ATP2B1: variants seen among roughly 807,000 people sequenced by gnomAD.
ATP2B1 encodes the protein ATPase plasma membrane Ca2+ transporting 1.
Under a neutral mutation model 124.2 loss-of-function variants are expected in ATP2B1, and 14 were observed. The ratio of observed to expected loss-of-function variants is 0.11; its 90% CI spans 0.07 to 0.18. The LOEUF is 0.18. ATP2B1 is among the 10% of genes least tolerant of loss of function. The pLI is 1.00. For missense variants in ATP2B1, 763 were observed against 1,466.1 expected (o/e 0.52, Z 7.83); for synonymous variants, 449 against 492.4 (o/e 0.91, Z 1.17).
intron 1 of ATP2B1, among the ~76,000 whole-genome samples, chr12:89,657,648 GA>G (rs1565881448): frequency 6.6e-6 from 1 of 152,224 alleles, no homozygotes; most frequent in Admixed American, 6.5e-5. Context: ...ATCACCCAGA[GA>G]ATCAGTTAGA....
intron 13 of ATP2B1, among the ~76,000 whole-genome samples, 155 bp downstream of exon 13, chr12:89,611,038 C>T (rs1025282845): frequency 1.3e-5 from 2 of 152,102 alleles, no homozygotes; most frequent in Non-Finnish European, 2.9e-5. Flanking sequence ...TCTTTTATCC[C>T]TTAGAACACT....
chr12:89,598,857 T>C (rs1875220617), intron 20 of ATP2B1: 1 of 1,312,556 alleles, frequency 7.6e-7, no homozygotes, highest in South Asian at 1.4e-5. Context: ...TTACACAGCA[T>C]ATAGGCAAGA....
chr12:89,672,473 A>T (rs1888113878), intron 1 of ATP2B1, among the ~76,000 whole-genome samples: 1 of 152,212 alleles, frequency 6.6e-6, no homozygotes, highest in South Asian at 2.1e-4. Flanking sequence ...AAACAATTTT[A>T]AAAAGGAAGA....
chr12:89,646,030 G>C (rs1884398858), intron 2 of ATP2B1, among the ~76,000 whole-genome samples: 1 of 152,118 alleles, frequency 6.6e-6, no homozygotes, highest in Admixed American at 6.5e-5. Flanking sequence ...TTTGGAAGGA[G>C]ATCAGACAAC....
chr12:89,695,845 A>G (rs190717329), intron 1 of ATP2B1, among the ~76,000 whole-genome samples: 64 of 152,344 alleles, frequency 4.2e-4, no homozygotes, highest in Admixed American at 3.0e-3. Flanking sequence ...TAACATAGTT[A>G]TAAGAAAATA....
chr12:89,664,955 G>T (rs1187534865), intron 1 of ATP2B1, among the ~76,000 whole-genome samples: 1 of 151,224 alleles, frequency 6.6e-6, no homozygotes, highest in Non-Finnish European at 1.5e-5. Context: ...CGATTCTCAT[G>T]CCTCAGCTGG....
chr12:89,646,091 G>GT (rs1555202239), intron 2 of ATP2B1, among the ~76,000 whole-genome samples: 64 of 149,998 alleles, frequency 4.3e-4, no homozygotes, highest in South Asian at 2.8e-3. Context: ...TTTTGTTTTT[G>GT]TTTTTTTTTG....
intron 12 of ATP2B1, among the ~76,000 whole-genome samples, chr12:89,614,163 T>C (rs564142836): frequency 2.0e-5 from 3 of 152,244 alleles, no homozygotes; most frequent in African/African-American, 7.2e-5. Context: ...CGTAAGTCAA[T>C]GTATAGAACT....
intron 1 of ATP2B1, among the ~76,000 whole-genome samples, chr12:89,675,944 A>C (rs1888552870): frequency 6.6e-6 from 1 of 152,176 alleles, no homozygotes; most frequent in Admixed American, 6.5e-5. Context: ...ATATTTAACA[A>C]ATCAATTTAG....
intron 3 of ATP2B1, chr12:89,641,954 C>G: frequency 1.8e-6 from 1 of 566,962 alleles, no homozygotes; most frequent in South Asian, 2.1e-5. Context: ...AACCTCTGTG[C>G]CTCATTGTAA....
chr12:89,697,442 T>C (rs949369543), intron 1 of ATP2B1, among the ~76,000 whole-genome samples: 11 of 152,188 alleles, frequency 7.2e-5, no homozygotes, highest in Admixed American at 2.0e-4. Context: ...TGTTCCTTCA[T>C]GTCCACATTG....
At chr12:89,689,265 A>G (rs1399641969) in intron 1 of ATP2B1, among the ~76,000 whole-genome samples, 4 of 152,130 alleles carry the variant, frequency 2.6e-5, no homozygotes, top group African/African-American at 9.7e-5. Context: ...TGTATGTCCT[A>G]TACAATACTT....
intron 2 of ATP2B1, among the ~76,000 whole-genome samples, chr12:89,653,463 A>AT (rs1447149849): frequency 6.7e-6 from 1 of 148,184 alleles, no homozygotes; most frequent in Non-Finnish European, 1.5e-5. Flanking sequence ...CGCCCGGCTA[A>AT]TTTTTTTGTA....
chr12:89,706,240 T>C (rs1237743441), intron 1 of ATP2B1, among the ~76,000 whole-genome samples: 1 of 152,194 alleles, frequency 6.6e-6, no homozygotes, highest in African/African-American at 2.4e-5. Context: ...CTGCTCGAAG[T>C]GTTCATCTAT....
chr12:89,641,900 G>A (rs1883579493), intron 3 of ATP2B1: 1 of 401,464 alleles, frequency 2.5e-6, no homozygotes, highest in South Asian at 3.6e-5. Context: ...ACATGGCATA[G>A]GTCTGTGCCA....
At chr12:89,673,709 G>A (rs183037774) in intron 1 of ATP2B1, among the ~76,000 whole-genome samples, 2 of 152,278 alleles carry the variant, frequency 1.3e-5, no homozygotes, top group African/African-American at 4.8e-5. Context: ...AATTTGAAGT[G>A]TATGGATTTT....
chr12:89,675,146 T>C (rs981942686), intron 1 of ATP2B1, among the ~76,000 whole-genome samples: 1 of 152,158 alleles, frequency 6.6e-6, no homozygotes, highest in Non-Finnish European at 1.5e-5. Flanking sequence ...CATCAATATT[T>C]AATAAAGCCC....
At chr12:89,673,926 C>T (rs1032033816) in intron 1 of ATP2B1, among the ~76,000 whole-genome samples, 2 of 152,190 alleles carry the variant, frequency 1.3e-5, no homozygotes, top group African/African-American at 4.8e-5. Context: ...CTTATTCGAG[C>T]ATTTCAAGTT....
chr12:89,677,426 C>T (rs1475177290), intron 1 of ATP2B1, among the ~76,000 whole-genome samples: 1 of 152,074 alleles, frequency 6.6e-6, no homozygotes, highest in Admixed American at 6.6e-5. Context: ...AAATATTCTC[C>T]TCTTAATTCA....
Sources: gnomAD v4.1 joint callset for allele counts (sites outside exome capture counted in the v4.1 genomes callset) on GRCh38, gnomAD v4.1.1 for gene constraint, MANE v1.5 for transcripts, NCBI Gene and HGNC (gene_info 2026-07-23, HGNC 2026-07-21) for gene names.